The following ADGRL3 variants were observed in gnomAD, a reference collection of about 807,000 sequenced individuals.
ADGRL3 encodes calcium-independent alpha-latrotoxin receptor 3.
Under a neutral mutation model 153.5 loss-of-function variants are expected in ADGRL3, and 62 were observed. The observed-to-expected ratio is 0.40, with a 90% CI of 0.33 to 0.50. ADGRL3 has a LOEUF of 0.50. Among genes scored for constraint, ADGRL3 ranks in the 20% least tolerant of loss-of-function variants. ADGRL3 has a pLI of 0.47. For missense variants in ADGRL3, 1,641 were observed against 1,859.4 expected, an observed-to-expected ratio of 0.88 and a Z score of 2.16; for synonymous variants, 710 against 672.5, an observed-to-expected ratio of 1.06 and a Z score of -0.86.
intron 1 of ADGRL3, among the ~76,000 whole-genome samples, chr4:61,222,159 T>C (rs777217944): frequency 1.3e-5 from 2 of 152,182 alleles, no homozygotes; most frequent in African/African-American, 2.4e-5. Flanking sequence ...CTTGTTAAGA[T>C]ACTCTTGGGT....
chr4:61,558,750 TTA>T (rs1269365149), intron 4 of ADGRL3, among the ~76,000 whole-genome samples: 1 of 152,012 alleles, frequency 6.6e-6, no homozygotes, highest in Non-Finnish European at 1.5e-5. Context: ...AACATCATCG[TTA>T]TTCAAGTTTT....
At chr4:62,063,369 G>C in intron 25 of ADGRL3, 1 of 451,280 alleles carries the variant, frequency 2.2e-6, no homozygotes. Context: ...TATTTTTTTA[G>C]TCTAGTTAGC....
chr4:61,844,575 A>AAAAAAATATATATATATATAT, intron 9 of ADGRL3, among the ~76,000 whole-genome samples: 1 of 18,102 alleles, frequency 5.5e-5, no homozygotes, highest in Admixed American at 1.4e-3. Flanking sequence ...AAAAAAAAAA[A>AAAAAAATATATATATATATAT]ATATATATAT....
At chr4:61,894,747 GTC>G (rs1158453694) in intron 10 of ADGRL3, among the ~76,000 whole-genome samples, 22 of 152,092 alleles carry the variant, frequency 1.4e-4, no homozygotes, top group African/African-American at 5.3e-4. Flanking sequence ...GGCCCCCACA[GTC>G]TCTCACTTGA....
chr4:61,494,830 T>G (rs1200608109), intron 2 of ADGRL3, among the ~76,000 whole-genome samples: 2 of 152,166 alleles, frequency 1.3e-5, no homozygotes, highest in Admixed American at 6.5e-5. Flanking sequence ...TAGGAGCCTA[T>G]GTATACAATA....
chr4:61,733,125 C>A lies in ADGRL3; in HGVS notation c.970C>A (p.Arg324=). Reference sequence around the variant, plus strand: ...CAATTACCATGATACCTCCCCTTACCGATGGGGAGGCAAATCTGACATAGA... The same window carrying A: ...CAATTACCATGATACCTCCCCTTACAGATGGGGAGGCAAATCTGACATAGA... The part of the protein sequence containing the change: ...NANYHDTSPY[R]WGGKSDIDLA... The change falls in exon 8 of 27, where the codon CGA becomes AGA. Residue 324 remains arginine, a synonymous_variant. Transcript: ENST00000683033. The A allele has an allele frequency of 6.2e-7, 1 of 1,613,042 alleles. No homozygotes were observed. Among genetic ancestry groups the A allele is most frequent in the Non-Finnish European group, 8.5e-7 (1 of 1,179,530 alleles).
rs911744299 is a variant in ADGRL3 at position 61,443,625 on chromosome 4, G to GT, written c.-173-53488dup. 2.0e-4 allele frequency among the ~76,000 whole-genome samples: 31 copies of GT among 151,734 alleles called. No homozygotes were observed. In the East Asian group the frequency reaches 3.7e-3, roughly 18 times the overall value. On this transcript the variant is annotated intron_variant, in intron 2 of 26. Transcript: ENST00000683033. The stretch of plus-strand genomic sequence containing the variant: ...TGTTATGTATACTTCATGTGTTTAT[G>GT]TTTTTTTTATTTCCTTCTGAGGCTG...
intron 9 of ADGRL3, among the ~76,000 whole-genome samples, chr4:61,845,796 A>T (rs2098110478): frequency 6.6e-6 from 1 of 152,148 alleles, no homozygotes; most frequent in Non-Finnish European, 1.5e-5. Context: ...GGCCATCTGG[A>T]GAAAAATCAG....
At chr4:61,255,726 A>T (rs2149492437) in intron 1 of ADGRL3, among the ~76,000 whole-genome samples, 1 of 152,296 alleles carries the variant, frequency 6.6e-6, no homozygotes, top group Non-Finnish European at 1.5e-5. Flanking sequence ...TTGGAAGTTT[A>T]ACACAGAAAT....
At chr4:61,359,143 A>G (rs1182809595) in intron 1 of ADGRL3, among the ~76,000 whole-genome samples, 1 of 152,204 alleles carries the variant, frequency 6.6e-6, no homozygotes, top group Non-Finnish European at 1.5e-5. Flanking sequence ...CCTTATGTAC[A>G]TTGAGATATT....
At chr4:61,546,017 A>ATT (rs1290223515) in intron 4 of ADGRL3, among the ~76,000 whole-genome samples, 2 of 152,178 alleles carry the variant, frequency 1.3e-5, no homozygotes, top group Admixed American at 1.3e-4. Context: ...CTGCTTCCAA[A>ATT]TCATCATCCT....
At chr4:61,811,813 T>G (rs530986149) in intron 8 of ADGRL3, among the ~76,000 whole-genome samples, 1 of 152,114 alleles carries the variant, frequency 6.6e-6, no homozygotes, top group Non-Finnish European at 1.5e-5. Context: ...AAGTACATAG[T>G]GATGGGGGTT....
chr4:62,051,271 G>A (rs1166270478), intron 25 of ADGRL3, among the ~76,000 whole-genome samples: 1 of 150,910 alleles, frequency 6.6e-6, no homozygotes, highest in African/African-American at 2.4e-5. Flanking sequence ...AGAAGCCTGT[G>A]TTAGGAAAAT....
chr4:61,514,834 T>G (rs1040216355), intron 3 of ADGRL3, among the ~76,000 whole-genome samples: 10 of 152,210 alleles, frequency 6.6e-5, no homozygotes, highest in African/African-American at 2.2e-4. Flanking sequence ...CTAGTTCTAT[T>G]GACGTGTGTT....
intron 2 of ADGRL3, among the ~76,000 whole-genome samples, chr4:61,389,681 A>T: frequency 6.6e-6 from 1 of 152,252 alleles, no homozygotes; most frequent in South Asian, 2.1e-4. Context: ...AATGTGTGGG[A>T]TGTAAAAACT....
intron 2 of ADGRL3, among the ~76,000 whole-genome samples, chr4:61,474,713 G>A (rs1018881489): frequency 6.6e-6 from 1 of 151,990 alleles, no homozygotes; most frequent in African/African-American, 2.4e-5. Context: ...AACTTCATCA[G>A]CATTCTTTAC....
chr4:61,295,136 T>A (rs1277223345), intron 1 of ADGRL3, among the ~76,000 whole-genome samples: 1 of 152,116 alleles, frequency 6.6e-6, no homozygotes, highest in African/African-American at 2.4e-5. Context: ...TTGTCGAGTA[T>A]CTCTAAGCTG....
At chr4:61,655,684 A>G (rs1352746077) in intron 5 of ADGRL3, among the ~76,000 whole-genome samples, 1 of 152,160 alleles carries the variant, frequency 6.6e-6, no homozygotes. Context: ...GATTCATTCA[A>G]AAAGTTTTCT....
chr4:61,703,106 A>G (rs1298801977), intron 6 of ADGRL3, among the ~76,000 whole-genome samples: 1 of 152,062 alleles, frequency 6.6e-6, no homozygotes, highest in Non-Finnish European at 1.5e-5. Flanking sequence ...ATTTTATTAT[A>G]CTATTTGTGA....
Sources: gnomAD v4.1 joint callset for allele counts (sites outside exome capture counted in the v4.1 genomes callset) on GRCh38, gnomAD v4.1.1 for gene constraint, MANE v1.5 for transcripts, NCBI Gene and HGNC (gene_info 2026-07-23, HGNC 2026-07-21) for gene names.